Variants in TBC1D22A observed in about 807,000 individuals in gnomAD.
TBC1D22A encodes putative GTPase activator.
In TBC1D22A, 38 loss-of-function variants were observed where a neutral mutation model predicts 60.2. That is an observed-to-expected ratio of 0.63 (90% CI 0.49 to 0.83). TBC1D22A has a LOEUF of 0.83. Ranked by LOEUF, TBC1D22A falls within the 40% of genes least tolerant of loss-of-function variation. TBC1D22A has a pLI of 0.00. For synonymous variants in TBC1D22A, 302 were observed against 281.7 expected (o/e 1.07, Z -0.72); for missense variants, 628 against 701.0 (o/e 0.90, Z 1.18).
chr22:47,018,502 C>T (rs572002463), intron 10 of TBC1D22A, among the ~76,000 whole-genome samples: 2 of 152,280 alleles, frequency 1.3e-5, no homozygotes, highest in African/African-American at 4.8e-5. Flanking sequence ...GGCTGTCCTG[C>T]CTCTTGGAAC....
chr22:47,034,070 C>G (rs6009113), intron 10 of TBC1D22A, among the ~76,000 whole-genome samples: 1 of 152,232 alleles, frequency 6.6e-6, no homozygotes, highest in Non-Finnish European at 1.5e-5. Flanking sequence ...ACTTGCCGCG[C>G]TGCCCTTTAC....
rs771207642 is a variant in TBC1D22A at position 46,793,637 on chromosome 22, G to C, written c.256G>C (p.Ala86Pro). 5.6e-6 allele frequency: 9 copies of C among 1,613,768 alleles called. No homozygotes were observed. The highest frequency in any genetic ancestry group is 7.6e-6 in the Non-Finnish European group (9 of 1,180,040). Residue 86 changes from alanine to proline, a missense_variant, in exon 3 of 13, where the codon GCG becomes CCG. Coordinates refer to ENST00000337137, the MANE Select transcript of TBC1D22A (RefSeq NM_014346.5). ...EDDDELLAMA[A>P]ESLNSEVVME... is the part of the protein sequence containing the mutation. ...CGACGATGAGCTCCTGGCCATGGCG[G>C]CGGAGAGCCTGAACTCCGAGGTGGT...
chr22:47,082,548 C>T (rs1452180215), intron 11 of TBC1D22A, among the ~76,000 whole-genome samples: 1 of 152,234 alleles, frequency 6.6e-6, no homozygotes, highest in Admixed American at 6.5e-5. Context: ...ACAAATAGCC[C>T]ACTTTAAAAG....
At position 47,173,642 on chromosome 22, in the gene TBC1D22A, C is replaced by A. The variant is rs747893769; in HGVS notation, c.*16C>A. On this transcript the variant is annotated 3_prime_UTR_variant, in exon 13 of 13. Coordinates refer to ENST00000337137, the MANE Select transcript of TBC1D22A (RefSeq NM_014346.5). ...CAAGAAATGAGCCCAGGCCCACCCG[C>A]AGCTGGCCTCACTGTCCCGGGTGGC... The A allele has an allele frequency of 1.9e-6, 3 of 1,613,196 alleles. No homozygotes were observed.
chr22:47,017,747 C>G (rs542140049), intron 10 of TBC1D22A, among the ~76,000 whole-genome samples: 2 of 152,192 alleles, frequency 1.3e-5, no homozygotes, highest in Non-Finnish European at 2.9e-5. Context: ...GAACTCATTT[C>G]TGTCAGAATG....
chr22:46,779,412 CCACACCT>C (rs1555887741), intron 1 of TBC1D22A, among the ~76,000 whole-genome samples: 3 of 152,036 alleles, frequency 2.0e-5, no homozygotes, highest in Non-Finnish European at 4.4e-5. Context: ...GTGCCCACCA[CCACACCT>C]GGCTAATGTT....
rs532131949 is a variant in TBC1D22A at position 47,054,792 on chromosome 22, G to T, written c.1329+17594G>T. 2.0e-5 allele frequency among the ~76,000 whole-genome samples: 3 copies of T among 152,294 alleles called. No homozygotes were observed. In the South Asian group the frequency reaches 6.2e-4, roughly 32 times the overall value. On this transcript the variant is annotated intron_variant, in intron 11 of 12. Transcript: ENST00000337137. ...TGATTGTGTACACGTAGAAGTTGTGGGGCAAGGGCGAGGGGCTCATCCAGT... is the reference window on the plus strand; with the variant it reads ...TGATTGTGTACACGTAGAAGTTGTGTGGCAAGGGCGAGGGGCTCATCCAGT...
In TBC1D22A at chr22:47,028,977, G is replaced by T. The variant is rs912068556; in HGVS notation, c.1202-8094G>T. Reference sequence around the variant, plus strand: ...TCCAGCTGCACCTCAGTGGTCCCCAGGCCACCTGCACCTCTGCCCAGCTGG... The same window carrying T: ...TCCAGCTGCACCTCAGTGGTCCCCATGCCACCTGCACCTCTGCCCAGCTGG... On this transcript the variant is annotated intron_variant, in intron 10 of 12. Coordinates refer to ENST00000337137, the MANE Select transcript of TBC1D22A (RefSeq NM_014346.5). The surrounding 1 kb of genome is among the most constrained non-coding windows in gnomAD (Gnocchi z 4.4). Among the ~76,000 whole-genome samples the T allele has an allele frequency of 2.0e-5, 3 of 152,206 alleles. No individual in the cohort carries two copies. The highest frequency in any genetic ancestry group is 2.9e-5 in the Non-Finnish European group (2 of 68,032).
intron 11 of TBC1D22A, among the ~76,000 whole-genome samples, chr22:47,088,689 A>G (rs1378521532): frequency 6.6e-6 from 1 of 152,172 alleles, no homozygotes; most frequent in Admixed American, 6.5e-5. Flanking sequence ...CCCTAATGAA[A>G]TGAGTCAAGC....
intron 8 of TBC1D22A, among the ~76,000 whole-genome samples, chr22:46,930,436 A>T (rs1247928085): frequency 1.3e-5 from 2 of 151,904 alleles, no homozygotes; most frequent in African/African-American, 4.8e-5. Context: ...CCAAGAATTA[A>T]CCTGTTTTTT....
At chr22:46,851,797 T>A (rs1291198086) in intron 4 of TBC1D22A, among the ~76,000 whole-genome samples, 2 of 152,194 alleles carry the variant, frequency 1.3e-5, no homozygotes, top group African/African-American at 2.4e-5. Context: ...TAGGAAGGGG[T>A]ACACGGCTCA....
rs181783060 is a variant in TBC1D22A at position 46,923,377 on chromosome 22, G to T, written c.1015+11189G>T. ...GGGGAGAGTCCTGGGCTCTACTTCA[G>T]TTCCTTGGGGGTGGCACCATGGTAT... On this transcript the variant is annotated intron_variant, in intron 8 of 12. Coordinates refer to ENST00000337137, the MANE Select transcript of TBC1D22A (RefSeq NM_014346.5). 6.9e-3 allele frequency among the ~76,000 whole-genome samples: 1,057 copies of T among 152,352 alleles called. 14 individuals carry two copies. The highest frequency in any genetic ancestry group is 0.024 in the African/African-American group (1,006 of 41,572).
At chr22:46,900,255 G>A (rs2068916207) in intron 7 of TBC1D22A, among the ~76,000 whole-genome samples, 1 of 151,502 alleles carries the variant, frequency 6.6e-6, no homozygotes, top group African/African-American at 2.4e-5. Flanking sequence ...GGGTTCAAGC[G>A]ATTCTCTTGC....
chr22:46,803,360 C>T (rs2084981716), intron 4 of TBC1D22A, among the ~76,000 whole-genome samples: 1 of 152,156 alleles, frequency 6.6e-6, no homozygotes, highest in African/African-American at 2.4e-5. Context: ...TTAGTGTAGA[C>T]AGTGGGCATT....
intron 8 of TBC1D22A, among the ~76,000 whole-genome samples, chr22:46,918,950 C>A (rs1045724771): frequency 3.9e-5 from 6 of 152,224 alleles, no homozygotes; most frequent in Admixed American, 3.9e-4. Context: ...CCACTCCCAA[C>A]CTCCATGCAA....
intron 1 of TBC1D22A, chr22:46,774,377 TCCCCAGACTTTTTGTTC>T: frequency 4.2e-6 from 2 of 472,720 alleles, no homozygotes; most frequent in Non-Finnish European, 5.5e-6. Context: ...ATTTTGAGTA[TCCCCAGACTTTTTGTTC>T]CCCCTTTCTG....
At chr22:46,893,386 C>T (rs1460745658) in intron 6 of TBC1D22A, among the ~76,000 whole-genome samples, 1 of 152,148 alleles carries the variant, frequency 6.6e-6, no homozygotes, top group Admixed American at 6.5e-5. Flanking sequence ...CCCACCTGCC[C>T]AGCCTTGTGG....
At chr22:46,937,807 T>C (rs6009063) in intron 8 of TBC1D22A, among the ~76,000 whole-genome samples, 5,977 of 151,906 alleles carry the variant, frequency 0.039, 366 homozygotes, top group African/African-American at 0.14. Flanking sequence ...TAGGCTAATG[T>C]GTGTGTTTGT....
At chr22:46,904,135 CTATCTAT>C (rs1569199572) in intron 7 of TBC1D22A, among the ~76,000 whole-genome samples, 81 of 110,682 alleles carry the variant, frequency 7.3e-4, no homozygotes, top group African/African-American at 2.8e-3. Context: ...ATCTATCTAT[CTATCTAT>C]CTACCTACCT....
Sources: gnomAD v4.1 joint callset for allele counts (sites outside exome capture counted in the v4.1 genomes callset) on GRCh38, gnomAD v4.1.1 for gene constraint, Gnocchi (gnomAD v3.1) non-coding constraint, MANE v1.5 for transcripts, NCBI Gene and HGNC (gene_info 2026-07-23, HGNC 2026-07-21) for gene names.